The following SLCO2A1 variants were observed in gnomAD, a reference collection of about 807,000 sequenced individuals.
The protein encoded by SLCO2A1 is matrin F/G 1.
SLCO2A1 carries 60 observed loss-of-function variants against 71.7 expected under a neutral mutation model. The observed-to-expected ratio is 0.84, with a 90% CI of 0.68 to 1.04. SLCO2A1 has a LOEUF of 1.04. Among genes scored for constraint, SLCO2A1 ranks in the 50% least tolerant of loss-of-function variants. SLCO2A1 has a pLI of 0.00. For synonymous variants in SLCO2A1, 308 were observed against 326.7 expected, an observed-to-expected ratio of 0.94 and a Z score of 0.62; for missense variants, 745 against 813.4, an observed-to-expected ratio of 0.92 and a Z score of 1.02.
intron 3 of SLCO2A1, among the ~76,000 whole-genome samples, chr3:133,968,749 G>A (rs916469264): frequency 2.6e-5 from 4 of 152,166 alleles, no homozygotes; most frequent in African/African-American, 4.8e-5. Flanking sequence ...CTCCTGGGAG[G>A]ACTGGTCTCA....
At chr3:133,985,109 CG>C (rs1221482633) in intron 1 of SLCO2A1, among the ~76,000 whole-genome samples, 1 of 152,184 alleles carries the variant, frequency 6.6e-6, no homozygotes, top group Non-Finnish European at 1.5e-5. Context: ...TTCAGTTCTC[CG>C]GTAGTCTGAG....
chr3:133,954,048 T>C (rs1372058258), intron 4 of SLCO2A1, among the ~76,000 whole-genome samples: 1 of 151,312 alleles, frequency 6.6e-6, no homozygotes, highest in Non-Finnish European at 1.5e-5. Context: ...TCCCTGTGGG[T>C]ACGATGCTGG....
intron 1 of SLCO2A1, among the ~76,000 whole-genome samples, chr3:134,023,590 A>G (rs1364127915): frequency 6.6e-6 from 1 of 152,226 alleles, no homozygotes; most frequent in African/African-American, 2.4e-5. Flanking sequence ...GTGGACCACT[A>G]AAGAGCAAGG....
chr3:134,021,703 CAA>C lies in SLCO2A1; in HGVS notation c.96+8002_96+8003del, dbSNP rs1474794516. Among the ~76,000 whole-genome samples the C allele has an allele frequency of 3.4e-5, 5 of 149,146 alleles. No homozygotes were observed. The East Asian group carries it at 7.9e-4, about 24-fold the overall frequency. ...GAAGAGACAGAGGCAAAAGGAAAGT[CAA>C]AGAGAGAGAGACAAAGTCAAAGAGA... On this transcript the variant is annotated intron_variant, in intron 1 of 13. Coordinates refer to ENST00000310926, the MANE Select transcript of SLCO2A1 (RefSeq NM_005630.3).
chr3:133,975,198 T>A, intron 2 of SLCO2A1, among the ~76,000 whole-genome samples: 1 of 152,082 alleles, frequency 6.6e-6, no homozygotes, highest in East Asian at 1.9e-4. Context: ...AGTCCCACAG[T>A]CTCAGCTCAT....
chr3:133,942,431 G>C, intron 11 of SLCO2A1, 174 bp downstream of exon 11: 1 of 684,838 alleles, frequency 1.5e-6, no homozygotes, highest in Non-Finnish European at 2.4e-6. Flanking sequence ...TCCCAGCACT[G>C]TTGCCATTAG....
At chr3:134,010,625 G>A (rs1437799530) in intron 1 of SLCO2A1, among the ~76,000 whole-genome samples, 4 of 151,814 alleles carry the variant, frequency 2.6e-5, no homozygotes, top group Non-Finnish European at 4.4e-5. Context: ...ATGGTGGCAC[G>A]CACCTGTAAT....
chr3:133,963,196 C>T (rs1934084253), intron 3 of SLCO2A1, among the ~76,000 whole-genome samples: 1 of 152,174 alleles, frequency 6.6e-6, no homozygotes, highest in Non-Finnish European at 1.5e-5. Flanking sequence ...TCTGGACCCT[C>T]AGCAGCTTTA....
chr3:133,952,868 A>T, intron 5 of SLCO2A1, among the ~76,000 whole-genome samples: 1 of 152,092 alleles, frequency 6.6e-6, no homozygotes, highest in East Asian at 1.9e-4. Context: ...CCAGGATGAG[A>T]CCCAGGCAGT....
chr3:133,954,457 C>T (rs1249522771), intron 4 of SLCO2A1, among the ~76,000 whole-genome samples: 1 of 152,186 alleles, frequency 6.6e-6, no homozygotes. Flanking sequence ...CCACCACGCC[C>T]GTCCCAAAGT....
intron 2 of SLCO2A1, among the ~76,000 whole-genome samples, chr3:133,978,085 C>T (rs1321156794): frequency 6.6e-6 from 1 of 152,184 alleles, no homozygotes; most frequent in African/African-American, 2.4e-5. Flanking sequence ...TGTATATGTG[C>T]ATGCATGTCA....
intron 12 of SLCO2A1, among the ~76,000 whole-genome samples, chr3:133,938,223 T>C (rs1933322594): frequency 6.6e-6 from 1 of 152,238 alleles, no homozygotes; most frequent in Admixed American, 6.5e-5. Context: ...TAGTTAGGAA[T>C]GAATGCCATA....
intron 1 of SLCO2A1, among the ~76,000 whole-genome samples, chr3:133,985,092 G>A (rs920901897): frequency 2.6e-5 from 4 of 152,070 alleles, no homozygotes; most frequent in Admixed American, 6.6e-5. Flanking sequence ...TTAACTTCCC[G>A]GTTGCTTTCA....
intron 1 of SLCO2A1, among the ~76,000 whole-genome samples, chr3:134,010,160 A>G (rs754602934): frequency 6.6e-6 from 1 of 152,216 alleles, no homozygotes; most frequent in Non-Finnish European, 1.5e-5. Flanking sequence ...AAATGTGCCC[A>G]TATTTGTGAT....
intron 3 of SLCO2A1, among the ~76,000 whole-genome samples, chr3:133,959,931 T>C (rs1010045054): frequency 6.6e-6 from 1 of 151,782 alleles, no homozygotes; most frequent in Non-Finnish European, 1.5e-5. Flanking sequence ...CCATCCTGGC[T>C]AACACGGTGA....
At position 133,973,704 on chromosome 3, in the gene SLCO2A1, T is replaced by C. The variant is rs769678992; in HGVS notation, c.356A>G (p.His119Arg). 13 of 1,613,838 alleles carry C rather than the reference T, an allele frequency of 8.1e-6. No homozygotes were observed. The highest frequency in any genetic ancestry group is 7.7e-5 in the South Asian group (7 of 91,052). ...AAGAFILTLP[H>R]FLSEPYQYTL... ...GTACTGGTAGGGCTCGGAGAGGAAG[T>C]GTGGGAGGGTGAGGATGAAGGCACC... Residue 119 changes from histidine to arginine, a missense_variant, in exon 3 of 14, where the codon CAC becomes CGC. His to Arg is a conservative substitution (Grantham distance 29, BLOSUM62 0). Transcript: ENST00000310926.
chr3:133,944,152 C>A (rs575391436), intron 10 of SLCO2A1, among the ~76,000 whole-genome samples: 22 of 152,326 alleles, frequency 1.4e-4, no homozygotes, highest in African/African-American at 5.3e-4. Context: ...ATGCATTGCT[C>A]CTGGTGTGCA....
intron 1 of SLCO2A1, among the ~76,000 whole-genome samples, chr3:133,992,918 T>C (rs1264568359): frequency 7.9e-6 from 1 of 126,184 alleles, no homozygotes; most frequent in Non-Finnish European, 1.6e-5. Flanking sequence ...TCAGATGTCA[T>C]GAGTGTGGGT....
chr3:134,001,790 T>C (rs1935108239), intron 1 of SLCO2A1, among the ~76,000 whole-genome samples: 3 of 150,914 alleles, frequency 2.0e-5, no homozygotes, highest in Admixed American at 2.0e-4. Context: ...CATGCAGAGG[T>C]CAAGGCAGGA....
Sources: gnomAD v4.1 joint callset for allele counts (sites outside exome capture counted in the v4.1 genomes callset) on GRCh38, gnomAD v4.1.1 for gene constraint, MANE v1.5 for transcripts, NCBI Gene and HGNC (gene_info 2026-07-23, HGNC 2026-07-21) for gene names.